The following HECTD3 variants were observed in gnomAD, a reference collection of about 807,000 sequenced individuals.
HECTD3 encodes E3 ubiquitin-protein ligase HECTD3.
In HECTD3, 72 loss-of-function variants were observed where a neutral mutation model predicts 109.3. The ratio of observed to expected loss-of-function variants is 0.66; its 90% confidence interval spans 0.54 to 0.80. The LOEUF is 0.80. Among genes scored for constraint, HECTD3 ranks in the 30% least tolerant of loss-of-function variants. The pLI is 0.00. For synonymous variants in HECTD3, 481 were observed against 471.8 expected (o/e 1.02, Z -0.25); for missense variants, 1,041 against 1,165.2 (o/e 0.89, Z 1.55).
chr1:45,003,569 C>T lies in HECTD3; in HGVS notation c.2509G>A (p.Val837Ile). 2 of 1,614,208 alleles carry T rather than the reference C, an allele frequency of 1.2e-6. No individual in the cohort carries two copies. The highest frequency in any genetic ancestry group is 8.5e-7 in the Non-Finnish European group (1 of 1,180,028). Residue 837 changes from valine to isoleucine, a missense_variant, in exon 21 of 21, where the codon GTA becomes ATA. Transcript: ENST00000372172. This position sits in a 1 kb window ranked among gnomAD's most constrained non-coding sequence, Gnocchi z 4.7. Reference protein sequence around the residue: ...LFLPHYASAKVCEEKLRYAAY... With the variant: ...LFLPHYASAKICEEKLRYAAY... Reference sequence around the variant, plus strand: ...GCATAGCGGAGCTTCTCCTCGCATACCTTGGCACTGTGGGAATGGGGACTT... The same window carrying T: ...GCATAGCGGAGCTTCTCCTCGCATATCTTGGCACTGTGGGAATGGGGACTT...
At position 45,003,517 on chromosome 1, in the gene HECTD3, G is replaced by T; in HGVS notation, c.2561C>A (p.Thr854Asn). ...TCACTCCTCCCAAGGGCTCATGTCA[G>T]TGTCGATGGCCACGCAGTTGTAGGC... is the stretch of plus-strand genomic sequence containing the variant. ...YAAYNCVAIDTDMSPWEE is the reference protein window; with the variant it reads ...YAAYNCVAIDNDMSPWEE The change falls in exon 21 of 21, where the codon ACT becomes AAT. Residue 854 changes from threonine (T) to asparagine (N), a missense_variant. Transcript: ENST00000372172. The surrounding 1 kb of genome is among the most constrained non-coding windows in gnomAD (Gnocchi z 4.7). The T allele has an allele frequency of 1.2e-6, 2 of 1,614,200 alleles. No individual in the cohort carries two copies. The highest frequency in any genetic ancestry group is 1.1e-5 in the South Asian group (1 of 91,088).
chr1:45,008,667 C>T lies in HECTD3; in HGVS notation c.1107G>A (p.Lys369=). The change falls in exon 8 of 21, where the codon AAG becomes AAA. Residue 369 remains lysine, a synonymous_variant. Coordinates refer to ENST00000372172, the MANE Select transcript of HECTD3 (RefSeq NM_024602.6). ...DGIDVRLRGV[K]IKSSRQRELG... ...GTTCCCGCTGTCTAGATGACTTGAT[C>T]TTGACCCCTCGGAGACGAACATCAA... 1.2e-6 allele frequency: 2 copies of T among 1,613,848 alleles called. No individual in the cohort carries two copies. Among genetic ancestry groups the T allele is most frequent in the Non-Finnish European group, 1.7e-6 (2 of 1,179,980 alleles).
In HECTD3 at chr1:45,008,612, T is replaced by C; in HGVS notation, c.1162A>G (p.Thr388Ala). The change falls in exon 8 of 21, where the codon ACT becomes GCT. Residue 388 changes from threonine (T) to alanine (A), a missense_variant. This residue lies in a region of HECTD3 where 569 missense variants were observed against 715.3 expected (regional missense o/e 0.80). Coordinates refer to ENST00000372172, the MANE Select transcript of HECTD3 (RefSeq NM_024602.6). ...AGGCGTGGATATCGCACCAGACTAG[T>C]TGGCTGGAACAGGTCTGCATTCAAC... Reference protein sequence around the residue: ...LGLNADLFQPTSLVRYPRLEG... With the variant: ...LGLNADLFQPASLVRYPRLEG... 1 of 1,614,022 alleles carries C rather than the reference T, an allele frequency of 6.2e-7. No individual in the cohort carries two copies. Among genetic ancestry groups the C allele is most frequent in the South Asian group, 1.1e-5 (1 of 91,082 alleles).
chr1:45,005,661 G>T, intron 15 of HECTD3, 133 bp downstream of exon 15: 1 of 690,940 alleles, frequency 1.4e-6, no homozygotes, highest in Non-Finnish European at 2.4e-6. Flanking sequence ...ACAGACAGTA[G>T]TTGAAGCCAT....
Position 45,006,866 on chromosome 1 carries a change from C to T in HECTD3, c.1622-71G>A, listed in dbSNP as rs1338086765. 5.7e-6 allele frequency: 9 copies of T among 1,582,286 alleles called. No individual in the cohort carries two copies. The African/African-American group carries it at 8.1e-5, about 14-fold the overall frequency. On this transcript the variant is annotated intron_variant, in intron 12 of 20. Transcript: ENST00000372172. This position sits in a 1 kb window ranked among gnomAD's most constrained non-coding sequence, Gnocchi z 4.7. ...CCATAATGGGGTAATGAATAGGTCC[C>T]CCATCATCATTAGCTGGTGAAAAGC...
At position 45,007,398 on chromosome 1, in the gene HECTD3, C is replaced by G; in HGVS notation, c.1503+15G>C. On this transcript the variant is annotated intron_variant, in intron 10 of 20. Coordinates refer to ENST00000372172, the MANE Select transcript of HECTD3 (RefSeq NM_024602.6). ...TGACTGATCCTATCTCAGTCGGACC[C>G]TAGGTGGTGCAGACCTGGGTGAAGA... 1 of 1,613,830 alleles carries G rather than the reference C, an allele frequency of 6.2e-7. No individual in the cohort carries two copies.
intron 8 of HECTD3, 80 bp downstream of exon 8, chr1:45,008,456 T>C (rs1644755399): frequency 5.2e-6 from 8 of 1,540,322 alleles, no homozygotes; most frequent in Admixed American, 1.7e-5. Context: ...CTATGAGACC[T>C]TGGGAACCTC....
Position 45,009,473 on chromosome 1 carries a change from T to C in HECTD3, c.885A>G (p.Leu295=), listed in dbSNP as rs1418263984. The change falls in exon 6 of 21, where the codon CTA becomes CTG. Residue 295 remains leucine, a synonymous_variant. Transcript: ENST00000372172. ...MKKGTIVKKL[L]LTVDTTDDNF... ...TGTCATCTGTGGTATCCACTGTGAG[T>C]AGCAGCTTCCTGAAGGGTCAGAGTG... 2 of 1,613,642 alleles carry C rather than the reference T, an allele frequency of 1.2e-6. No individual in the cohort carries two copies. Among genetic ancestry groups the C allele is most frequent in the Non-Finnish European group, 1.7e-6 (2 of 1,179,696 alleles).
chr1:45,004,800 G>T lies in HECTD3; in HGVS notation c.1942C>A (p.Leu648Ile). The T allele has an allele frequency of 6.2e-7, 1 of 1,614,106 alleles. No individual in the cohort carries two copies. The highest frequency in any genetic ancestry group is 2.2e-5 in the East Asian group (1 of 44,882). Residue 648 changes from leucine (L) to isoleucine (I), a missense_variant, in exon 16 of 21, where the codon CTC (leucine) becomes ATC (isoleucine). Coordinates refer to ENST00000372172, the MANE Select transcript of HECTD3 (RefSeq NM_024602.6). The stretch of plus-strand genomic sequence containing the variant: ...TCCATTCCTTCCATCACTTCCAGGA[G>T]CTTCACCTAGGGGTTGGAGAGAGGC... ...FPAVDSVLVKLLEVMEGMDKE... is the reference protein window; with the variant it reads ...FPAVDSVLVKILEVMEGMDKE...
Position 45,010,028 on chromosome 1 carries a change from G to A in HECTD3, c.717C>T (p.Ser239=), listed in dbSNP as rs774530141. The change falls in exon 4 of 21, where the codon AGC becomes AGT. Residue 239 remains serine, a synonymous_variant. Coordinates refer to ENST00000372172, the MANE Select transcript of HECTD3 (RefSeq NM_024602.6). ...HLGKEDENLG[S]VKQYVESIDV... ...CTATGCTCTCCACATACTGCTTCAC[G>A]CTACCCAGGTTCTCATCCTCCTTGC... 18 of 1,557,248 alleles carry A rather than the reference G, an allele frequency of 1.2e-5. No homozygotes were observed. Among genetic ancestry groups the A allele is most frequent in the East Asian group, 6.8e-5 (3 of 44,374 alleles).
chr1:45,007,191 G>A (rs777445736), intron 11 of HECTD3, 28 bp downstream of exon 11: 20 of 1,598,684 alleles, frequency 1.3e-5, no homozygotes, highest in African/African-American at 4.0e-5. Flanking sequence ...CAGGTGTCCC[G>A]AGTAAGTCCC....
rs1644778149 is a variant in HECTD3, at chr1:45,010,429, G to A, written c.530+117C>T. 3.4e-6 allele frequency: 5 copies of A among 1,487,370 alleles called. No homozygotes were observed. In the East Asian group the frequency reaches 9.3e-5, roughly 28 times the overall value. 92.1% of individuals were successfully genotyped at this position (1,487,370 alleles called of 1,614,324 possible). On this transcript the variant is annotated intron_variant, in intron 2 of 20. Transcript: ENST00000372172. ...CCCCCTTCACGTCCCGCCCCTTTCT[G>A]CTCTTAACCCTGCCTCCGCTCCAGT...
At position 45,009,613 on chromosome 1, in the gene HECTD3, C is replaced by T; in HGVS notation, c.830G>A (p.Cys277Tyr). The T allele has an allele frequency of 6.2e-7, 1 of 1,614,094 alleles. No individual in the cohort carries two copies. The highest frequency in any genetic ancestry group is 8.5e-7 in the Non-Finnish European group (1 of 1,179,974). The change falls in exon 5 of 21, where the codon TGC becomes TAC. Residue 277 changes from cysteine to tyrosine, a missense_variant. Cys to Tyr is a radical substitution (Grantham distance 194). This residue lies in a region of HECTD3 where 472 missense variants were observed against 449.9 expected (regional missense o/e 1.05). Coordinates refer to ENST00000372172, the MANE Select transcript of HECTD3 (RefSeq NM_024602.6). ...DTYWESDGSQ[C>Y]QHWVRLTMKK... ...CATAGTAAGCCGTACCCAGTGTTGG[C>T]ACTGGGACCCATCGCTCTCCCAGTA...
At chr1:45,008,485 G>A (rs2298006) in intron 8 of HECTD3, 51 bp downstream of exon 8, 1,042,863 of 1,586,266 alleles carry the variant, frequency 0.66, 347,706 homozygotes, top group Middle Eastern at 0.72. Context: ...AGACACACAA[G>A]GCTCAATGTT....
In HECTD3 at chr1:45,003,940, G is replaced by C; in HGVS notation, c.2348-4C>G. On this transcript the variant is annotated splice_region_variant and splice_polypyrimidine_tract_variant and intron_variant, in intron 18 of 20. Coordinates refer to ENST00000372172, the MANE Select transcript of HECTD3 (RefSeq NM_024602.6). This position sits in a 1 kb window ranked among gnomAD's most constrained non-coding sequence, Gnocchi z 4.7. ...CGCAGGAAGCGGCTCCGGTCCTCTG[G>C]AGGGAGAAGGAAATCAGTGCCTGCA... 3 of 1,613,332 alleles carry C rather than the reference G, an allele frequency of 1.9e-6. No homozygotes were observed. The Admixed American group carries it at 5.0e-5, about 27-fold the overall frequency.
At chr1:45,010,399 C>G in intron 2 of HECTD3, 106 bp from the exon 3 acceptor site, 1 of 1,444,986 alleles carries the variant, frequency 6.9e-7, no homozygotes, top group Middle Eastern at 2.1e-4. Flanking sequence ...CAGTCTCCCT[C>G]CGAGCCCCCT....
rs369176083 is a variant in HECTD3 at position 45,004,765 on chromosome 1, C to T, written c.1977G>A (p.Thr659=). 1.9e-5 allele frequency: 31 copies of T among 1,614,230 alleles called. No individual in the cohort carries two copies. Among genetic ancestry groups the T allele is most frequent in the South Asian group, 1.6e-4 (15 of 91,092 alleles). ...LEVMEGMDKE[T]FEFKFGKELT... is the part of the protein sequence containing the mutation. ...GTTCCTTCCCAAACTTGAACTCAAA[C>T]GTCTCCTTGTCCATTCCTTCCATCA... The change falls in exon 16 of 21, where the codon ACG becomes ACA. Residue 659 remains threonine, a synonymous_variant. Coordinates refer to ENST00000372172, the MANE Select transcript of HECTD3 (RefSeq NM_024602.6).
At chr1:45,009,344 T>A (rs1252844512) in intron 6 of HECTD3, 25 bp downstream of exon 6, 1 of 1,582,282 alleles carries the variant, frequency 6.3e-7, no homozygotes, top group African/African-American at 1.3e-5. Context: ...ATGCCCTACT[T>A]CCCTCCCCAG....
chr1:45,003,854 C>T lies in HECTD3; in HGVS notation c.2429+1G>A. On this transcript the variant is annotated splice_donor_variant, in intron 19 of 20. Coordinates refer to ENST00000372172, the MANE Select transcript of HECTD3 (RefSeq NM_024602.6). LOFTEE classifies it high-confidence loss of function. The surrounding 1 kb of genome is among the most constrained non-coding windows in gnomAD (Gnocchi z 4.7). ...CCTTCAGGCCTCCCTCCAGCACTCA[C>T]CCCAGCTTGTCTGGGTAGATGTAGA... 6.2e-7 allele frequency: 1 copy of T among 1,612,788 alleles called. No individual in the cohort carries two copies. The highest frequency in any genetic ancestry group is 8.5e-7 in the Non-Finnish European group (1 of 1,179,198).
Sources: gnomAD v4.1 joint callset for allele counts on GRCh38, gnomAD v4.1.1 for gene constraint, gnomAD v4.1.1 regional missense constraint, Gnocchi (gnomAD v3.1) non-coding constraint, MANE v1.5 for transcripts, NCBI Gene and HGNC (gene_info 2026-07-23, HGNC 2026-07-21) for gene names.